The following MYLK variants were observed in gnomAD, a reference collection of about 807,000 sequenced individuals.
The protein encoded by MYLK is myosin light chain kinase.
MYLK carries 106 observed loss-of-function variants against 203.4 expected under a neutral mutation model. The ratio of observed to expected loss-of-function variants is 0.52; its 90% CI spans 0.45 to 0.61. The LOEUF (loss-of-function observed/expected upper bound fraction) is 0.61, where lower values mean the gene tolerates loss of function less well. Among genes scored for constraint, MYLK ranks in the 20% least tolerant of loss-of-function variants. The probability of loss-of-function intolerance (pLI) is 0.00; values close to 1 mark genes in which losing one functional copy is unlikely to be tolerated. For synonymous variants in MYLK, 867 were observed against 959.5 expected (o/e 0.90, Z 1.78); for missense variants, 2,072 against 2,442.3 (o/e 0.85, Z 3.20).
chr3:123,666,216 G>A lies in MYLK; in HGVS notation c.3831+3C>T, dbSNP rs1470440207. ...CCAGTGCCCACCCCATACCGTCACT[G>A]ACCTGCTTTCGGAACTTCATCCAGG... On this transcript the variant is annotated splice_donor_region_variant and intron_variant, in intron 22 of 33. Transcript: ENST00000360304. 5 of 1,614,068 alleles carry A rather than the reference G, an allele frequency of 3.1e-6. No individual in the cohort carries two copies. The African/African-American group carries it at 5.3e-5, about 17-fold the overall frequency.
At position 123,868,287 on chromosome 3, in the gene MYLK, C is replaced by A. The variant is rs113446349; in HGVS notation, c.-127+8272G>T. On this transcript the variant is annotated intron_variant, in intron 2 of 33. Coordinates refer to ENST00000360304, the MANE Select transcript of MYLK (RefSeq NM_053025.4). Reference sequence around the variant, plus strand: ...GATCGTATCTTTTGACCTAGCAATGCTTTTCTTGGAATATAATCCAAGGAA... The same window carrying A: ...GATCGTATCTTTTGACCTAGCAATGATTTTCTTGGAATATAATCCAAGGAA... Among the ~76,000 whole-genome samples the A allele has an allele frequency of 2.8e-3, 433 of 152,174 alleles. 1 individual carries two copies. The highest frequency in any genetic ancestry group is 0.01 in the African/African-American group (417 of 41,502).
intron 13 of MYLK, among the ~76,000 whole-genome samples, chr3:123,710,743 A>G (rs927397360): frequency 1.3e-5 from 2 of 152,232 alleles, no homozygotes; most frequent in Non-Finnish European, 2.9e-5. Flanking sequence ...GAGAAACGCA[A>G]GCACATATCC....
chr3:123,692,326 C>G, intron 19 of MYLK: 1 of 1,161,354 alleles, frequency 8.6e-7, no homozygotes, highest in African/African-American at 1.6e-5. Context: ...CTGCTCCCTC[C>G]TCCTCACGGC....
intron 3 of MYLK, among the ~76,000 whole-genome samples, chr3:123,794,708 C>T (rs1218318985): frequency 6.6e-6 from 1 of 152,188 alleles, no homozygotes; most frequent in Non-Finnish European, 1.5e-5. Flanking sequence ...TAACAGACGA[C>T]TACTCATTAG....
At chr3:123,810,942 G>A (rs1460688196) in intron 3 of MYLK, among the ~76,000 whole-genome samples, 1 of 152,186 alleles carries the variant, frequency 6.6e-6, no homozygotes, top group Non-Finnish European at 1.5e-5. Flanking sequence ...TAGCAATCAT[G>A]GCTACCTTTT....
intron 2 of MYLK, among the ~76,000 whole-genome samples, chr3:123,855,168 T>C (rs1160725975): frequency 6.6e-6 from 1 of 152,206 alleles, no homozygotes; most frequent in Non-Finnish European, 1.5e-5. Context: ...AATCATTTAT[T>C]TAAATATTGC....
At chr3:123,685,552 AG>A (rs1009320479) in intron 19 of MYLK, among the ~76,000 whole-genome samples, 3 of 148,130 alleles carry the variant, frequency 2.0e-5, no homozygotes, top group Non-Finnish European at 4.5e-5. Context: ...GTGCCGCTGC[AG>A]TGATCATGCC....
chr3:123,653,984 T>C (rs182384611), intron 24 of MYLK, among the ~76,000 whole-genome samples: 118 of 95,254 alleles, frequency 1.2e-3, no homozygotes, highest in African/African-American at 3.6e-3. Flanking sequence ...TTCAGAGGGA[T>C]GTTGTGTGTG....
In MYLK at chr3:123,662,060, C is replaced by T. The variant is rs114536425; in HGVS notation, c.3985+2045G>A. 5.1e-3 allele frequency among the ~76,000 whole-genome samples: 782 copies of T among 152,292 alleles called. 10 individuals carry two copies. The highest frequency in any genetic ancestry group is 0.017 in the African/African-American group (702 of 41,550). On this transcript the variant is annotated intron_variant, in intron 23 of 33. Transcript: ENST00000360304. Reference sequence around the variant, plus strand: ...GCTTAGGGGCTGAAGGGAAGTGCTACAGGGCTTCCTAAGGCTCAGCATGAG... The same window carrying T: ...GCTTAGGGGCTGAAGGGAAGTGCTATAGGGCTTCCTAAGGCTCAGCATGAG...
chr3:123,793,725 AG>A lies in MYLK; in HGVS notation c.116del (p.Pro39LeufsTer26). 6.2e-7 allele frequency: 1 copy of A among 1,614,106 alleles called. No homozygotes were observed. On this transcript the variant is annotated frameshift_variant, in exon 4 of 34. Coordinates refer to ENST00000360304, the MANE Select transcript of MYLK (RefSeq NM_053025.4). LOFTEE classifies it high-confidence loss of function. ...CTCCTTCTTTGATGCAGAGGTTCCG[AG>A]GGGGCAAAATGAAAGCAGGGGCCTC... ...LTEAPAFILP[P>X]RNLCIKEGAT... is the part of the protein sequence containing the mutation.
chr3:123,781,716 A>G (rs1051892271), intron 4 of MYLK, among the ~76,000 whole-genome samples: 4 of 152,066 alleles, frequency 2.6e-5, no homozygotes, highest in African/African-American at 9.7e-5. Flanking sequence ...TCCAACTCTC[A>G]GCCTGATGTG....
At chr3:123,783,439 A>C (rs1018882696) in intron 4 of MYLK, among the ~76,000 whole-genome samples, 2 of 152,084 alleles carry the variant, frequency 1.3e-5, no homozygotes, top group African/African-American at 2.4e-5. Context: ...GAGTTGTGTA[A>C]TTTTTTAAAT....
chr3:123,856,365 A>C (rs2031373734), intron 2 of MYLK, among the ~76,000 whole-genome samples: 1 of 152,204 alleles, frequency 6.6e-6, no homozygotes, highest in South Asian at 2.1e-4. Context: ...AGGTTGAATG[A>C]GGCACATAAA....
intron 20 of MYLK, among the ~76,000 whole-genome samples, chr3:123,677,884 A>AATATATATATATATATATATATATATAT (rs3085284): frequency 5.6e-5 from 3 of 53,578 alleles, no homozygotes; most frequent in African/African-American, 7.8e-5. Context: ...TAAATAAATG[A>AATATATATATATATATATATATATATAT]ATATATATAT....
At chr3:123,663,522 G>A (rs1192547249) in intron 23 of MYLK, among the ~76,000 whole-genome samples, 2 of 152,278 alleles carry the variant, frequency 1.3e-5, no homozygotes, top group African/African-American at 4.8e-5. Context: ...AACATTGCAG[G>A]AGTTATTAAT....
chr3:123,742,222 C>T (rs936533519), intron 5 of MYLK, among the ~76,000 whole-genome samples: 2 of 152,118 alleles, frequency 1.3e-5, no homozygotes. Flanking sequence ...AACCCATATC[C>T]CCACTAGAAC....
chr3:123,737,243 GC>G (rs2062704150), intron 8 of MYLK, 134 bp downstream of exon 8: 1 of 978,626 alleles, frequency 1.0e-6, no homozygotes, highest in Non-Finnish European at 1.5e-6. Flanking sequence ...AAAAAGACCT[GC>G]CCCTGGGGAG....
At chr3:123,809,670 T>G (rs1560245841) in intron 3 of MYLK, among the ~76,000 whole-genome samples, 1 of 152,190 alleles carries the variant, frequency 6.6e-6, no homozygotes, top group East Asian at 1.9e-4. Flanking sequence ...CACACTATCC[T>G]AAACCTCTCA....
chr3:123,637,961 C>T lies in MYLK; in HGVS notation c.4961+110G>A, dbSNP rs914365526. On this transcript the variant is annotated intron_variant, in intron 29 of 33. Coordinates refer to ENST00000360304, the MANE Select transcript of MYLK (RefSeq NM_053025.4). ...ACCCTCCTGACTCTGGGGGGGGCTC[C>T]CCATCATGACAATGGCAGGGCAGCC... 3.5e-5 allele frequency: 53 copies of T among 1,521,442 alleles called. No homozygotes were observed. In the Admixed American group the frequency reaches 8.6e-4, roughly 25 times the overall value. 94.2% of individuals were successfully genotyped at this position (1,521,442 alleles called of 1,614,324 possible). A position where few individuals can be genotyped will look rare whatever the true frequency, so the allele number is the denominator to read the frequency against.
Sources: gnomAD v4.1 joint callset for allele counts (sites outside exome capture counted in the v4.1 genomes callset) on GRCh38, gnomAD v4.1.1 for gene constraint, MANE v1.5 for transcripts, NCBI Gene and HGNC (gene_info 2026-07-23, HGNC 2026-07-21) for gene names.